The following KIF13A variants were observed in gnomAD, a reference collection of about 807,000 sequenced individuals.
KIF13A encodes kinesin family member 13A.
Under a neutral mutation model 212.2 loss-of-function variants are expected in KIF13A, and 79 were observed. The observed-to-expected ratio is 0.37, with a 90% CI of 0.31 to 0.45. KIF13A has a LOEUF of 0.45. KIF13A is among the 20% of genes least tolerant of loss of function. The probability of loss-of-function intolerance (pLI) is 1.00; values close to 1 mark genes in which losing one functional copy is unlikely to be tolerated. For synonymous variants in KIF13A, 789 were observed against 808.6 expected, an observed-to-expected ratio of 0.98 and a Z score of 0.41; for missense variants, 1,901 against 2,209.0, an observed-to-expected ratio of 0.86 and a Z score of 2.79.
chr6:17,838,979 C>T lies in KIF13A; in HGVS notation c.831-1396G>A, dbSNP rs1472645610. On this transcript the variant is annotated intron_variant, in intron 9 of 38. Transcript: ENST00000259711. The surrounding 1 kb of genome is among the most constrained non-coding windows in gnomAD (Gnocchi z 4.2). Reference sequence around the variant, plus strand: ...GGATTACAGGCGCCCGCCACCACATCTGGCTGATTTTTGTATTTTTAGTAG... The same window carrying T: ...GGATTACAGGCGCCCGCCACCACATTTGGCTGATTTTTGTATTTTTAGTAG... Among the ~76,000 whole-genome samples, 3 of 152,162 alleles carry T rather than the reference C, an allele frequency of 2.0e-5. No individual in the cohort carries two copies. The highest frequency in any genetic ancestry group is 2.9e-5 in the Non-Finnish European group (2 of 68,032).
intron 17 of KIF13A, among the ~76,000 whole-genome samples, chr6:17,815,939 C>T (rs1435189571): frequency 2.0e-5 from 3 of 149,480 alleles, no homozygotes; most frequent in South Asian, 4.2e-4. Context: ...CAAAGTCTCC[C>T]TCTTGTCACC....
chr6:17,947,232 A>G lies in KIF13A; in HGVS notation c.146+39822T>C, dbSNP rs1777480665. Among the ~76,000 whole-genome samples, 1 of 152,212 alleles carries G rather than the reference A, an allele frequency of 6.6e-6. No individual in the cohort carries two copies. The highest frequency in any genetic ancestry group is 1.5e-5 in the Non-Finnish European group (1 of 68,036). On this transcript the variant is annotated intron_variant, in intron 2 of 38. Coordinates refer to ENST00000259711, the MANE Select transcript of KIF13A (RefSeq NM_022113.6). The surrounding 1 kb of genome is among the most constrained non-coding windows in gnomAD (Gnocchi z 4.6). ...AGTGGAAATGGGAATAAGTGATATA[A>G]GAGACAAAAAAGTACAAGTTGGGTG...
rs77021481 is a variant in KIF13A, at chr6:17,984,612, A to G, written c.146+2442T>C. 0.072 allele frequency: 64,025 copies of G among 885,348 alleles called. 2,356 individuals carry two copies. The highest frequency in any genetic ancestry group is 0.11 in the Middle Eastern group (196 of 1,712). 54.8% of individuals were successfully genotyped at this position (885,348 alleles called of 1,614,324 possible). On this transcript the variant is annotated intron_variant, in intron 2 of 38. Transcript: ENST00000259711. This position sits in a 1 kb window ranked among gnomAD's most constrained non-coding sequence, Gnocchi z 5.0. Reference sequence around the variant, plus strand: ...TTTTTTTTTTTTTCCCTGGACGTCAATGCATTCTCACTTGTTTTTACTGGT... The same window carrying G: ...TTTTTTTTTTTTTCCCTGGACGTCAGTGCATTCTCACTTGTTTTTACTGGT...
chr6:17,764,857 G>T lies in KIF13A; in HGVS notation c.4671C>A (p.Phe1557Leu), dbSNP rs1419066877. The T allele has an allele frequency of 6.2e-7, 1 of 1,613,886 alleles. No homozygotes were observed. Among genetic ancestry groups the T allele is most frequent in the Non-Finnish European group, 8.5e-7 (1 of 1,179,824 alleles). Residue 1557 changes from phenylalanine to leucine, a missense_variant, in exon 39 of 39, where the codon TTC becomes TTA. Coordinates refer to ENST00000259711, the MANE Select transcript of KIF13A (RefSeq NM_022113.6). This position sits in a 1 kb window ranked among gnomAD's most constrained non-coding sequence, Gnocchi z 5.1. Reference protein sequence around the residue: ...QPYVPVEFADFSVYNASLENR... With the variant: ...QPYVPVEFADLSVYNASLENR... ...TCTCCAAGCTGGCATTGTAAACACTGAAGTCAGCAAACTCCACAGGTACAT... is the reference window on the plus strand; with the variant it reads ...TCTCCAAGCTGGCATTGTAAACACTTAAGTCAGCAAACTCCACAGGTACAT...
intron 2 of KIF13A, among the ~76,000 whole-genome samples, chr6:17,927,115 G>T (rs1180589049): frequency 6.7e-6 from 1 of 149,760 alleles, no homozygotes; most frequent in African/African-American, 2.5e-5. Flanking sequence ...CTCCAGACTG[G>T]GCAACAGAGC....
Position 17,771,502 on chromosome 6 carries a change from GA to G in KIF13A, c.4477-285del. On this transcript the variant is annotated intron_variant, in intron 37 of 38. Coordinates refer to ENST00000259711, the MANE Select transcript of KIF13A (RefSeq NM_022113.6). The surrounding 1 kb of genome is among the most constrained non-coding windows in gnomAD (Gnocchi z 5.4). ...AGTGCCTTGGGAGGCTGGGGCAAAA[GA>G]ATCACTTGAGGCCAGGAGTTTCAGA... The G allele has an allele frequency of 2.4e-6, 1 of 418,332 alleles. No homozygotes were observed. Among genetic ancestry groups the G allele is most frequent in the South Asian group, 3.9e-5 (1 of 25,506 alleles). The allele number at this position is 418,332 out of a possible 1,614,324, so 25.9% of individuals were successfully genotyped here.
chr6:17,802,941 T>G (rs1394660435), intron 20 of KIF13A, among the ~76,000 whole-genome samples: 2 of 145,388 alleles, frequency 1.4e-5, no homozygotes, highest in Non-Finnish European at 3.0e-5. Context: ...TGTTTTTTTT[T>G]GTTTTGTTTT....
At chr6:17,959,696 G>T (rs954652668) in intron 2 of KIF13A, among the ~76,000 whole-genome samples, 5 of 152,150 alleles carry the variant, frequency 3.3e-5, no homozygotes, top group African/African-American at 1.2e-4. Context: ...GAAAGTCAGG[G>T]ACATCTAATG....
At chr6:17,974,903 G>A (rs1213771732) in intron 2 of KIF13A, among the ~76,000 whole-genome samples, 2 of 152,128 alleles carry the variant, frequency 1.3e-5, no homozygotes, top group Non-Finnish European at 2.9e-5. Flanking sequence ...TGATCACATA[G>A]GGCTACTGGC....
rs1764923942 is a variant in KIF13A, at chr6:17,825,913, T to C, written c.1641A>G (p.Lys547=). Reference sequence around the variant, plus strand: ...CAAAGTCTTTCAACCAATCTCGACGTTTCCTCTTAGGTAAGTTTATTCTGT... The same window carrying C: ...CAAAGTCTTTCAACCAATCTCGACGCTTCCTCTTAGGTAAGTTTATTCTGT... The part of the protein sequence containing the change: ...HFFRINLPKR[K]RRDWLKDFEK... Residue 547 remains lysine, a synonymous_variant, in exon 16 of 39, where the codon AAA becomes AAG. Transcript: ENST00000259711. The surrounding 1 kb of genome is among the most constrained non-coding windows in gnomAD (Gnocchi z 4.5). 3 of 1,613,896 alleles carry C rather than the reference T, an allele frequency of 1.9e-6. No individual in the cohort carries two copies. The South Asian group carries it at 3.3e-5, about 18-fold the overall frequency.
chr6:17,775,981 CG>C (rs1330823385), intron 34 of KIF13A, among the ~76,000 whole-genome samples: 1 of 152,050 alleles, frequency 6.6e-6, no homozygotes, highest in Non-Finnish European at 1.5e-5. Flanking sequence ...TGGGTTCAAG[CG>C]ATTCTCCTGC....
downstream of KIF13A, chr6:17,759,717 G>A (rs752323922): frequency 4.6e-5 from 7 of 152,136 alleles, no homozygotes; most frequent in Non-Finnish European, 1.0e-4. Context: ...ATGGTAAAGG[G>A]TGAACCATTG....
Position 17,987,343 on chromosome 6 carries a change from G to C in KIF13A, c.55+66C>G. The C allele has an allele frequency of 8.7e-7, 1 of 1,154,568 alleles. No homozygotes were observed. The allele number at this position is 1,154,568 out of a possible 1,614,324, so 71.5% of individuals were successfully genotyped here. On this transcript the variant is annotated intron_variant, in intron 1 of 38. Coordinates refer to ENST00000259711, the MANE Select transcript of KIF13A (RefSeq NM_022113.6). The surrounding 1 kb of genome is among the most constrained non-coding windows in gnomAD (Gnocchi z 7.7). Reference sequence around the variant, plus strand: ...GCCGCGCTCTCGCCGTCCCGGCCCCGCAGTTTCTAAAGTTGCCCCCGCCCT... The same window carrying C: ...GCCGCGCTCTCGCCGTCCCGGCCCCCCAGTTTCTAAAGTTGCCCCCGCCCT...
intron 2 of KIF13A, among the ~76,000 whole-genome samples, chr6:17,936,028 T>A (rs938746674): frequency 1.3e-5 from 2 of 152,178 alleles, no homozygotes; most frequent in African/African-American, 4.8e-5. Context: ...ACTGACCAAC[T>A]CAAACACATA....
In KIF13A at chr6:17,839,587, G is replaced by C. The variant is rs562339444; in HGVS notation, c.831-2004C>G. Among the ~76,000 whole-genome samples, 1 of 152,276 alleles carries C rather than the reference G, an allele frequency of 6.6e-6. No homozygotes were observed. The highest frequency in any genetic ancestry group is 2.4e-5 in the African/African-American group (1 of 41,554). Reference sequence around the variant, plus strand: ...TTGTCCTGGGTTGAACAGTATTCATGTCCGCCAGACCCTCAGAATGTGACC... The same window carrying C: ...TTGTCCTGGGTTGAACAGTATTCATCTCCGCCAGACCCTCAGAATGTGACC... On this transcript the variant is annotated intron_variant, in intron 9 of 38. Coordinates refer to ENST00000259711, the MANE Select transcript of KIF13A (RefSeq NM_022113.6). The surrounding 1 kb of genome is among the most constrained non-coding windows in gnomAD (Gnocchi z 4.3).
In KIF13A at chr6:17,809,428, T is replaced by C. The variant is rs1763246794; in HGVS notation, c.2001-498A>G. 6.6e-6 allele frequency among the ~76,000 whole-genome samples: 1 copy of C among 152,224 alleles called. No homozygotes were observed. Among genetic ancestry groups the C allele is most frequent in the South Asian group, 2.1e-4 (1 of 4,836 alleles). On this transcript the variant is annotated intron_variant, in intron 17 of 38. Coordinates refer to ENST00000259711, the MANE Select transcript of KIF13A (RefSeq NM_022113.6). The surrounding 1 kb of genome is among the most constrained non-coding windows in gnomAD (Gnocchi z 4.7). ...TTTCAACTCTCTGTACAACATTACT[T>C]GCTGATAAAAAGCTTCTCTAATATC...
rs535776427 is a variant in KIF13A, at chr6:17,872,781, G to A, written c.220+596C>T. Among the ~76,000 whole-genome samples the A allele has an allele frequency of 2.0e-5, 3 of 151,944 alleles. No individual in the cohort carries two copies. The highest frequency in any genetic ancestry group is 2.1e-4 in the South Asian group (1 of 4,800). ...CTCCCAAGTAGCTGGGATTACAGGC[G>A]CCCACCACCACACCTGAATAAGTTT... On this transcript the variant is annotated intron_variant, in intron 4 of 38. Coordinates refer to ENST00000259711, the MANE Select transcript of KIF13A (RefSeq NM_022113.6). The surrounding 1 kb of genome is among the most constrained non-coding windows in gnomAD (Gnocchi z 4.7).
intron 2 of KIF13A, among the ~76,000 whole-genome samples, chr6:17,928,253 T>C (rs1775670623): frequency 6.6e-6 from 1 of 152,228 alleles, no homozygotes; most frequent in Non-Finnish European, 1.5e-5. Context: ...CTCTATAGCG[T>C]AGGTGTTTTG....
intron 19 of KIF13A, among the ~76,000 whole-genome samples, chr6:17,804,811 TAAAAAAAAAA>T (rs56785510): frequency 3.0e-3 from 71 of 23,298 alleles, no homozygotes; most frequent in East Asian, 0.018. Context: ...CTGTCTCCAT[TAAAAAAAAAA>T]AAAAAAAAAA....
Sources: allele counts gnomAD v4.1 joint callset (sites outside exome capture counted in the v4.1 genomes callset), GRCh38; gene constraint gnomAD v4.1.1; non-coding constraint Gnocchi (gnomAD v3.1); transcripts MANE v1.5; gene names NCBI Gene and HGNC (gene_info 2026-07-23, HGNC 2026-07-21).